Variants in FBXL17 observed in about 807,000 individuals in gnomAD.
The protein encoded by FBXL17 is F-box and leucine rich repeat protein 17.
A neutral mutation model predicts 66.2 loss-of-function variants in FBXL17; 22 were observed. The ratio of observed to expected loss-of-function variants is 0.33; its 90% CI spans 0.24 to 0.47. FBXL17 has a LOEUF of 0.47. Ranked by LOEUF, FBXL17 falls within the 20% of genes least tolerant of loss-of-function variation. The pLI is 1.00. For missense variants in FBXL17, 878 were observed against 948.2 expected (o/e 0.93, Z 0.97); for synonymous variants, 474 against 400.5 (o/e 1.18, Z -2.19).
chr5:108,019,506 C>T (rs1216060470), intron 7 of FBXL17, among the ~76,000 whole-genome samples: 1 of 151,934 alleles, frequency 6.6e-6, no homozygotes, highest in African/African-American at 2.4e-5. Context: ...CTATTAGCTA[C>T]CTGACAATTG....
intron 4 of FBXL17, among the ~76,000 whole-genome samples, chr5:108,242,509 A>G (rs1755906729): frequency 6.6e-6 from 1 of 152,106 alleles, no homozygotes; most frequent in Non-Finnish European, 1.5e-5. Flanking sequence ...GGTGTAAGCC[A>G]CTGTGTCTGG....
intron 4 of FBXL17, among the ~76,000 whole-genome samples, chr5:108,227,083 C>T (rs1755132477): frequency 6.6e-6 from 1 of 152,116 alleles, no homozygotes; most frequent in Admixed American, 6.6e-5. Context: ...AGACAATATC[C>T]TAATGGTTCT....
At chr5:107,981,565 C>T (rs1418168125) in intron 7 of FBXL17, among the ~76,000 whole-genome samples, 1 of 152,238 alleles carries the variant, frequency 6.6e-6, no homozygotes, top group Non-Finnish European at 1.5e-5. Context: ...CACCCACCCA[C>T]TCCATTCCGC....
At chr5:108,344,196 G>A (rs1747094398) in intron 4 of FBXL17, among the ~76,000 whole-genome samples, 2 of 152,114 alleles carry the variant, frequency 1.3e-5, no homozygotes, top group East Asian at 3.9e-4. Flanking sequence ...GGGAAAGCCT[G>A]GAGAGGTGAA....
chr5:107,967,537 G>C (rs369627317), intron 7 of FBXL17, among the ~76,000 whole-genome samples: 2 of 120,308 alleles, frequency 1.7e-5, no homozygotes, highest in Non-Finnish European at 3.4e-5. Flanking sequence ...GTCATGAGGT[G>C]GGGGGAGGGG....
intron 4 of FBXL17, among the ~76,000 whole-genome samples, chr5:108,336,645 G>T (rs1760395038): frequency 6.6e-6 from 1 of 151,948 alleles, no homozygotes; most frequent in African/African-American, 2.4e-5. Context: ...AAATAAAAAT[G>T]TTTAAAGACA....
intron 6 of FBXL17, among the ~76,000 whole-genome samples, chr5:108,141,673 A>G (rs1314762609): frequency 6.6e-6 from 1 of 152,194 alleles, no homozygotes; most frequent in Non-Finnish European, 1.5e-5. Context: ...AGAAATTTTC[A>G]AACACCTCAA....
At chr5:108,101,057 T>C (rs1405146812) in intron 6 of FBXL17, among the ~76,000 whole-genome samples, 1 of 152,134 alleles carries the variant, frequency 6.6e-6, no homozygotes, top group Non-Finnish European at 1.5e-5. Context: ...GCTTAAAGAG[T>C]TTGCTCTTCA....
chr5:107,940,117 A>T (rs1751043152), intron 7 of FBXL17, among the ~76,000 whole-genome samples: 1 of 152,190 alleles, frequency 6.6e-6, no homozygotes, highest in Admixed American at 6.6e-5. Context: ...AATTGACACT[A>T]GAAACATGAA....
intron 4 of FBXL17, among the ~76,000 whole-genome samples, chr5:108,261,991 TG>T (rs1304474790): frequency 1.7e-4 from 25 of 151,176 alleles, no homozygotes; most frequent in African/African-American, 6.1e-4. Context: ...GATGGGGAGA[TG>T]GGGGGGATGG....
intron 6 of FBXL17, among the ~76,000 whole-genome samples, chr5:108,167,430 A>G (rs1669663455): frequency 8.1e-6 from 1 of 123,636 alleles, no homozygotes; most frequent in African/African-American, 3.1e-5. Context: ...CCATTACCAC[A>G]AGCATAAAAG....
At chr5:107,896,983 T>A (rs2095219957) in intron 7 of FBXL17, among the ~76,000 whole-genome samples, 1 of 151,968 alleles carries the variant, frequency 6.6e-6, no homozygotes, top group African/African-American at 2.4e-5. Flanking sequence ...AGTGAAGTCA[T>A]TACAGTAAAT....
intron 6 of FBXL17, among the ~76,000 whole-genome samples, chr5:108,101,700 T>C (rs1749607053): frequency 6.6e-6 from 1 of 152,236 alleles, no homozygotes; most frequent in African/African-American, 2.4e-5. Flanking sequence ...AGCAATCTTC[T>C]CCCACGCTTC....
At chr5:108,375,125 G>C (rs904701044) in intron 1 of FBXL17, among the ~76,000 whole-genome samples, 2 of 152,120 alleles carry the variant, frequency 1.3e-5, no homozygotes, top group African/African-American at 4.8e-5. Context: ...AAGCCAAAGT[G>C]GGAGGACTGC....
chr5:108,112,159 G>A (rs375986224), intron 6 of FBXL17, among the ~76,000 whole-genome samples: 2 of 152,196 alleles, frequency 1.3e-5, no homozygotes, highest in East Asian at 1.9e-4. Flanking sequence ...TGCACAGAAA[G>A]GGCAAGTGAG....
At chr5:107,916,896 C>T (rs189483057) in intron 7 of FBXL17, among the ~76,000 whole-genome samples, 39 of 152,222 alleles carry the variant, frequency 2.6e-4, no homozygotes, top group Non-Finnish European at 4.6e-4. Context: ...AAGTAGAAAC[C>T]GTTTTCTTAG....
intron 4 of FBXL17, chr5:108,299,761 G>A: frequency 4.1e-6 from 4 of 984,910 alleles, no homozygotes; most frequent in South Asian, 9.4e-5. Flanking sequence ...TTGAAGCAGT[G>A]CATGTGAAAT....
intron 7 of FBXL17, among the ~76,000 whole-genome samples, chr5:108,001,284 TGTGAATGTTTTTATGTTTTTA>T: frequency 6.6e-6 from 1 of 152,282 alleles, no homozygotes; most frequent in East Asian, 1.9e-4. Flanking sequence ...GAATGACATG[TGTGAATGTTTTTATGTTTTTA>T]GTGAAAGCAC....
intron 8 of FBXL17, among the ~76,000 whole-genome samples, chr5:107,864,201 A>T (rs549420337): frequency 3.3e-5 from 5 of 152,320 alleles, no homozygotes; most frequent in Non-Finnish European, 7.4e-5. Flanking sequence ...ATTGAAGGAG[A>T]CACTCAGTAA....
Sources: allele counts gnomAD v4.1 joint callset (sites outside exome capture counted in the v4.1 genomes callset), GRCh38; gene constraint gnomAD v4.1.1; transcripts MANE v1.5; gene names NCBI Gene and HGNC (gene_info 2026-07-23, HGNC 2026-07-21).